SHISAL1: variants seen among roughly 807,000 people sequenced by gnomAD.
SHISAL1 encodes shisa like 1.
Under a neutral mutation model 22.6 loss-of-function variants are expected in SHISAL1, and 9 were observed. The observed-to-expected ratio is 0.40, with a 90% CI of 0.24 to 0.70. SHISAL1 has a LOEUF of 0.70. SHISAL1 is among the 30% of genes least tolerant of loss of function. The pLI is 0.39. For synonymous variants in SHISAL1, 119 were observed against 115.4 expected, an observed-to-expected ratio of 1.03 and a Z score of -0.20; for missense variants, 246 against 270.6, an observed-to-expected ratio of 0.91 and a Z score of 0.64.
At chr22:44,323,755 G>T in the SHISAL1 span, among the ~76,000 whole-genome samples, 1 of 152,214 alleles carries the variant, frequency 6.6e-6, no homozygotes, top group African/African-American at 2.4e-5. Context: ...ATACTATCAA[G>T]CTAAACTAGG....
intron 4 of SHISAL1, among the ~76,000 whole-genome samples, chr22:44,260,765 G>C (rs2055116624): frequency 6.6e-6 from 1 of 152,174 alleles, no homozygotes; most frequent in Admixed American, 6.5e-5. Flanking sequence ...TTTTGCTGCT[G>C]CAGGCTGACA....
chr22:44,259,793 G>A (rs1461920603), intron 4 of SHISAL1, among the ~76,000 whole-genome samples: 1 of 152,204 alleles, frequency 6.6e-6, no homozygotes, highest in South Asian at 2.1e-4. Flanking sequence ...TTGCAATCGA[G>A]CGTCCAATTT....
intron 1 of SHISAL1, among the ~76,000 whole-genome samples, chr22:44,311,576 T>C (rs921563206): frequency 4.6e-5 from 7 of 152,264 alleles, no homozygotes; most frequent in Non-Finnish European, 1.0e-4. Context: ...CTGCATGTGC[T>C]ACTGTCTCGA....
chr22:44,287,956 A>G (rs1364045870), intron 3 of SHISAL1, among the ~76,000 whole-genome samples: 2 of 152,190 alleles, frequency 1.3e-5, no homozygotes, highest in Non-Finnish European at 2.9e-5. Flanking sequence ...AAGGGGAGGC[A>G]GGGCAGCTGT....
the SHISAL1 span, among the ~76,000 whole-genome samples, chr22:44,331,057 T>C: frequency 3.3e-5 from 5 of 151,774 alleles, no homozygotes; most frequent in Admixed American, 1.3e-4. The surrounding 1 kb of genome is among the most constrained non-coding windows in gnomAD (Gnocchi z 5.2). Context: ...TGGAAGCCAG[T>C]CCCCCCCTTG....
rs530416916 is a variant in SHISAL1 at position 44,296,889 on chromosome 22, G to A, written c.68-4C>T. ...ACCCGGAAATGTGCAGACAAGACTG[G>A]AAGACAGAGTCACCAGGCTCAGAGG... On this transcript the variant is annotated splice_region_variant and splice_polypyrimidine_tract_variant and intron_variant, in intron 2 of 4. Transcript: ENST00000381176. 2 of 1,609,764 alleles carry A rather than the reference G, an allele frequency of 1.2e-6. No individual in the cohort carries two copies. The highest frequency in any genetic ancestry group is 2.2e-5 in the East Asian group (1 of 44,820).
chr22:44,309,916 G>A (rs563089234), intron 1 of SHISAL1, among the ~76,000 whole-genome samples: 1 of 152,368 alleles, frequency 6.6e-6, no homozygotes, highest in East Asian at 1.9e-4. Context: ...ATCAAAGCAT[G>A]TCTTTGTGAC....
At chr22:44,327,355 C>A in the SHISAL1 span, among the ~76,000 whole-genome samples, 2 of 151,846 alleles carry the variant, frequency 1.3e-5, no homozygotes, top group African/African-American at 4.8e-5. Context: ...AGGGGCTGAA[C>A]GAGAAAACCT....
the SHISAL1 span, among the ~76,000 whole-genome samples, chr22:44,327,090 G>A: frequency 6.6e-6 from 1 of 152,102 alleles, no homozygotes; most frequent in Non-Finnish European, 1.5e-5. Flanking sequence ...CTGAATATGG[G>A]GAAGCAGATC....
chr22:44,298,829 A>G (rs1030207994), intron 2 of SHISAL1, among the ~76,000 whole-genome samples: 1 of 152,150 alleles, frequency 6.6e-6, no homozygotes, highest in Admixed American at 6.5e-5. Context: ...CATTACCAGC[A>G]CCCAGCTCAC....
intron 4 of SHISAL1, among the ~76,000 whole-genome samples, chr22:44,265,899 C>G (rs1317386276): frequency 6.6e-6 from 1 of 152,194 alleles, no homozygotes; most frequent in Non-Finnish European, 1.5e-5. Context: ...CCTACTGGTG[C>G]CAGTAAGCCT....
At chr22:44,307,650 C>T (rs1192082997) in intron 1 of SHISAL1, among the ~76,000 whole-genome samples, 2 of 152,140 alleles carry the variant, frequency 1.3e-5, no homozygotes, top group African/African-American at 4.8e-5. Flanking sequence ...GCCAGAATCA[C>T]GAGTCAGGCA....
At chr22:44,303,266 C>T (rs1302287604) in intron 1 of SHISAL1, among the ~76,000 whole-genome samples, 1 of 151,982 alleles carries the variant, frequency 6.6e-6, no homozygotes, top group East Asian at 1.9e-4. Flanking sequence ...AATTGTGTTC[C>T]CCCCAAATTC....
intron 1 of SHISAL1, among the ~76,000 whole-genome samples, chr22:44,303,233 G>C (rs959009092): frequency 2.0e-5 from 3 of 151,882 alleles, no homozygotes; most frequent in African/African-American, 7.3e-5. Context: ...CCTCTCCCTG[G>C]TGGCACCCTG....
At chr22:44,280,931 C>A (rs901236981) in intron 4 of SHISAL1, among the ~76,000 whole-genome samples, 1 of 152,140 alleles carries the variant, frequency 6.6e-6, no homozygotes, top group African/African-American at 2.4e-5. Flanking sequence ...ATGACCATCA[C>A]AACCATGAGA....
chr22:44,314,943 A>G (rs1242431297), upstream of SHISAL1, among the ~76,000 whole-genome samples: 1 of 152,242 alleles, frequency 6.6e-6, no homozygotes, highest in Non-Finnish European at 1.5e-5. Context: ...AGTTCAGCAC[A>G]GTACGCTTTC....
intron 4 of SHISAL1, among the ~76,000 whole-genome samples, chr22:44,256,268 GACTCAAAGTGGA>G (rs1251354903): frequency 7.1e-6 from 1 of 141,062 alleles, no homozygotes; most frequent in Admixed American, 7.5e-5. Flanking sequence ...TCAGGCTCTC[GACTCAAAGTGGA>G]ACTCACACCA....
chr22:44,285,417 T>C lies in SHISAL1; in HGVS notation c.599+11A>G. The C allele has an allele frequency of 1.9e-6, 3 of 1,613,684 alleles. No homozygotes were observed. Among genetic ancestry groups the C allele is most frequent in the East Asian group, 2.2e-5 (1 of 44,878 alleles). On this transcript the variant is annotated intron_variant, in intron 4 of 4. Transcript: ENST00000381176. ...CCCAAATCATTCTGGGTCTCAATTG[T>C]AGCCACTCACCAGGCAGACGAACTC...
chr22:44,266,552 GTGTGTGTTGGAGGGCTCTGGTGTGTA>G (rs2055165147), intron 4 of SHISAL1, among the ~76,000 whole-genome samples: 2 of 147,846 alleles, frequency 1.4e-5, no homozygotes, highest in East Asian at 2.0e-4. Flanking sequence ...GTGTGTGTGT[GTGTGTGTTGGAGGGCTCTGGTGTGTA>G]TGTGTGTGTT....
Sources: allele counts gnomAD v4.1 joint callset (sites outside exome capture counted in the v4.1 genomes callset), GRCh38; gene constraint gnomAD v4.1.1; non-coding constraint Gnocchi (gnomAD v3.1); transcripts MANE v1.5; gene names NCBI Gene and HGNC (gene_info 2026-07-23, HGNC 2026-07-21).